Variants in TMED3 observed in about 807,000 individuals in gnomAD.
TMED3 encodes the protein transmembrane emp24 domain-containing protein 3.
Under a neutral mutation model 15.0 loss-of-function variants are expected in TMED3, and 9 were observed. The ratio of observed to expected loss-of-function variants is 0.60; its 90% CI spans 0.36 to 1.04. TMED3 has a LOEUF of 1.04. Ranked by LOEUF, TMED3 falls within the 50% of genes least tolerant of loss-of-function variation. TMED3 has a pLI of 0.01. For missense variants in TMED3, 267 were observed against 278.9 expected (o/e 0.96, Z 0.30); for synonymous variants, 117 against 121.4 (o/e 0.96, Z 0.24).
rs1016707163 is a variant in TMED3 at position 79,348,690 on chromosome 15, A to T, written c.417+34685A>T. On this transcript the variant is annotated intron_variant, in intron 2 of 2. Transcript: ENST00000424155. ...TACCCAGTAGTGTGATTGCTGAATC[A>T]TACAGTAGTTCTGTTTTTAATTTTT... Among the ~76,000 whole-genome samples the T allele has an allele frequency of 4.6e-5, 7 of 152,244 alleles. No individual in the cohort carries two copies. The South Asian group carries it at 8.3e-4, about 18-fold the overall frequency.
rs578197797 is a variant in TMED3 at position 79,320,795 on chromosome 15, A to G, written c.418-1183A>G. ...ATGCAATACTCACTTATTACCGCAC[A>G]GCTCTGTATGCTGTGAGCCTGGGCA... On this transcript the variant is annotated intron_variant, in intron 2 of 2. Transcript: ENST00000299705. 5.3e-5 allele frequency among the ~76,000 whole-genome samples: 8 copies of G among 152,330 alleles called. No individual in the cohort carries two copies. The South Asian group carries it at 1.0e-3, about 20-fold the overall frequency.
chr15:79,396,538 G>C (rs1893765169), intron 2 of TMED3, among the ~76,000 whole-genome samples: 1 of 152,196 alleles, frequency 6.6e-6, no homozygotes, highest in Non-Finnish European at 1.5e-5. Flanking sequence ...GTAATCTCAG[G>C]GTAGTTGGAC....
chr15:79,339,903 A>C (rs1030600005), intron 2 of TMED3, among the ~76,000 whole-genome samples: 3 of 147,632 alleles, frequency 2.0e-5, no homozygotes, highest in African/African-American at 7.6e-5. Context: ...GGTGGTGATT[A>C]GGATGGTGAT....
chr15:79,385,408 A>T (rs1024638385), intron 2 of TMED3, among the ~76,000 whole-genome samples: 1 of 152,150 alleles, frequency 6.6e-6, no homozygotes, highest in Non-Finnish European at 1.5e-5. Context: ...GCTCCATCCC[A>T]TCTCAAGCAG....
downstream of TMED3, among the ~76,000 whole-genome samples, chr15:79,327,414 AAAACTC>A (rs1277290155): frequency 6.6e-6 from 1 of 152,248 alleles, no homozygotes; most frequent in Non-Finnish European, 1.5e-5. Context: ...TAAATGAACT[AAAACTC>A]TAGAAAACAG....
At chr15:79,399,643 A>G (rs929921907) in intron 2 of TMED3, among the ~76,000 whole-genome samples, 10 of 152,304 alleles carry the variant, frequency 6.6e-5, no homozygotes, top group Admixed American at 2.6e-4. Context: ...GGTTTTAAGC[A>G]AGGGAGAGAC....
At chr15:79,368,800 A>G (rs762375408) in intron 2 of TMED3, among the ~76,000 whole-genome samples, 13 of 151,998 alleles carry the variant, frequency 8.6e-5, no homozygotes, top group Admixed American at 2.0e-4. Context: ...AGAAATGCAA[A>G]TATAAGGCTG....
At chr15:79,338,463 G>A (rs2058835244) in intron 2 of TMED3, among the ~76,000 whole-genome samples, 1 of 152,178 alleles carries the variant, frequency 6.6e-6, no homozygotes, top group South Asian at 2.1e-4. Flanking sequence ...AAAGTTCCTT[G>A]TAAAATTAAA....
intron 2 of TMED3, among the ~76,000 whole-genome samples, chr15:79,397,314 TC>T (rs1332863811): frequency 2.6e-5 from 4 of 152,230 alleles, no homozygotes; most frequent in African/African-American, 9.6e-5. Flanking sequence ...ACCATGCCTT[TC>T]AGAAAGTATT....
chr15:79,364,083 T>C (rs1893182589), intron 2 of TMED3, among the ~76,000 whole-genome samples: 1 of 152,214 alleles, frequency 6.6e-6, no homozygotes, highest in Admixed American at 6.5e-5. Flanking sequence ...AGTGGAGTAG[T>C]ATTTTTTAAG....
chr15:79,332,781 C>T (rs544903798), intron 2 of TMED3, among the ~76,000 whole-genome samples: 1 of 152,290 alleles, frequency 6.6e-6, no homozygotes, highest in Non-Finnish European at 1.5e-5. Flanking sequence ...ACATTCTGAA[C>T]AAAAGTCATC....
intron 2 of TMED3, among the ~76,000 whole-genome samples, chr15:79,347,907 C>T (rs2058876832): frequency 6.6e-6 from 1 of 151,994 alleles, no homozygotes; most frequent in South Asian, 2.1e-4. Context: ...GGAAAAAACT[C>T]TTATACCCAA....
chr15:79,331,599 C>A (rs4343261), intron 2 of TMED3, among the ~76,000 whole-genome samples: 26,437 of 142,684 alleles, frequency 0.19, 2,352 homozygotes, highest in Admixed American at 0.24. Context: ...CAGCAAAAGA[C>A]ACAGAGTGAA....
At chr15:79,360,752 G>A (rs1490961639) in intron 2 of TMED3, among the ~76,000 whole-genome samples, 1 of 152,204 alleles carries the variant, frequency 6.6e-6, no homozygotes, top group Non-Finnish European at 1.5e-5. Flanking sequence ...TTTTCTGTGT[G>A]TGCCATAAAA....
chr15:79,407,307 T>C (rs1893914934), intron 2 of TMED3, among the ~76,000 whole-genome samples: 1 of 152,208 alleles, frequency 6.6e-6, no homozygotes, highest in African/African-American at 2.4e-5. Flanking sequence ...AATTAAACTC[T>C]CCCAACACAG....
intron 2 of TMED3, among the ~76,000 whole-genome samples, chr15:79,392,992 G>A (rs909684155): frequency 2.0e-5 from 3 of 152,200 alleles, no homozygotes; most frequent in African/African-American, 7.2e-5. Flanking sequence ...GTGAAACTCA[G>A]TTTTGAAGCA....
At position 79,399,036 on chromosome 15, in the gene TMED3, G is replaced by C. The variant is rs780080854; in HGVS notation, c.418-12364G>C. Among the ~76,000 whole-genome samples, 5 of 152,200 alleles carry C rather than the reference G, an allele frequency of 3.3e-5. No individual in the cohort carries two copies. In the East Asian group the frequency reaches 5.8e-4, roughly 18 times the overall value. ...AGCGATTCTCATGCCTCAGCCTCCC[G>C]AGTAGCTGGAATTACAGGTGCATGC... is the stretch of plus-strand genomic sequence containing the variant. On this transcript the variant is annotated intron_variant, in intron 2 of 2. Coordinates refer to the TMED3 transcript ENST00000424155.
chr15:79,367,167 A>G (rs539643625), intron 2 of TMED3, among the ~76,000 whole-genome samples: 1 of 152,348 alleles, frequency 6.6e-6, no homozygotes, highest in East Asian at 1.9e-4. Flanking sequence ...AACCAAATGC[A>G]TCTCATATGG....
intron 2 of TMED3, among the ~76,000 whole-genome samples, chr15:79,348,999 C>T (rs556099068): frequency 6.6e-6 from 1 of 152,162 alleles, no homozygotes; most frequent in African/African-American, 2.4e-5. Context: ...CCACCATGCC[C>T]ACTAGTTTTT....
Sources: allele counts gnomAD v4.1 joint callset (sites outside exome capture counted in the v4.1 genomes callset), GRCh38; gene constraint gnomAD v4.1.1; transcripts MANE v1.5; gene names NCBI Gene and HGNC (gene_info 2026-07-23, HGNC 2026-07-21).